LMX1A: variants seen among roughly 807,000 people sequenced by gnomAD.
LMX1A encodes LIM homeobox transcription factor 1-alpha.
In LMX1A, 15 loss-of-function variants were observed where a neutral mutation model predicts 49.1. That is an observed-to-expected ratio of 0.31 (90% CI 0.20 to 0.47). The LOEUF (loss-of-function observed/expected upper bound fraction) is 0.47. Ranked by LOEUF, LMX1A falls within the 20% of genes least tolerant of loss-of-function variation. LMX1A has a pLI of 1.00. For missense variants in LMX1A, 372 were observed against 475.8 expected, an observed-to-expected ratio of 0.78 and a Z score of 2.03; for synonymous variants, 167 against 185.7, an observed-to-expected ratio of 0.90 and a Z score of 0.82.
At chr1:165,296,979 G>A (rs746731166) in intron 3 of LMX1A, among the ~76,000 whole-genome samples, 4 of 152,210 alleles carry the variant, frequency 2.6e-5, no homozygotes, top group African/African-American at 4.8e-5. Flanking sequence ...AGGAAGGTCC[G>A]CAAACTCCTA....
intron 3 of LMX1A, among the ~76,000 whole-genome samples, chr1:165,293,672 T>C (rs1283500924): frequency 6.6e-6 from 1 of 152,238 alleles, no homozygotes; most frequent in African/African-American, 2.4e-5. Flanking sequence ...CTCACAATTC[T>C]GGAGGCTGGA....
chr1:165,324,243 C>T (rs1655505053), intron 3 of LMX1A, among the ~76,000 whole-genome samples: 1 of 152,218 alleles, frequency 6.6e-6, no homozygotes, highest in Non-Finnish European at 1.5e-5. Flanking sequence ...CTAACGCCCA[C>T]CTAGGGCTGA....
chr1:165,355,562 T>TCGGGC lies in LMX1A; in HGVS notation c.-8_-4dup, dbSNP rs775622090. 39 of 1,613,534 alleles carry TCGGGC rather than the reference T, an allele frequency of 2.4e-5. No individual in the cohort carries two copies. Among genetic ancestry groups the TCGGGC allele is most frequent in the Non-Finnish European group, 3.1e-5 (37 of 1,179,882 alleles). On this transcript the variant is annotated 5_prime_UTR_variant, in exon 2 of 9. Coordinates refer to ENST00000342310, the MANE Select transcript of LMX1A (RefSeq NM_177398.4). The surrounding 1 kb of genome is among the most constrained non-coding windows in gnomAD (Gnocchi z 4.7). The stretch of plus-strand genomic sequence containing the variant: ...TCCATCTTTAGGCCGTCCAGCATGT[T>TCGGGC]CGGGCCGGGCCGGGAGGACCTGTAG...
At chr1:165,350,690 GA>G (rs1041091919) in intron 3 of LMX1A, among the ~76,000 whole-genome samples, 1 of 151,908 alleles carries the variant, frequency 6.6e-6, no homozygotes, top group East Asian at 1.9e-4. Context: ...ATAGAGAAAC[GA>G]AAAAAGGAAT....
chr1:165,301,313 C>T (rs1654768061), intron 3 of LMX1A, among the ~76,000 whole-genome samples: 1 of 152,302 alleles, frequency 6.6e-6, no homozygotes, highest in East Asian at 1.9e-4. Flanking sequence ...AGCCCCCCAT[C>T]GCTGCACAAC....
chr1:165,236,852 GTT>G (rs11302510), intron 4 of LMX1A, among the ~76,000 whole-genome samples: 3,304 of 144,330 alleles, frequency 0.023, 126 homozygotes, highest in African/African-American at 0.078. Flanking sequence ...GGAGTTCAAA[GTT>G]TTTTTTTTTT....
chr1:165,251,347 T>C (rs576136693), intron 3 of LMX1A, among the ~76,000 whole-genome samples: 1 of 152,294 alleles, frequency 6.6e-6, no homozygotes, highest in Non-Finnish European at 1.5e-5. Flanking sequence ...CCTCCCAAAG[T>C]GCTAGGATTA....
At chr1:165,286,571 A>G (rs190257889) in intron 3 of LMX1A, among the ~76,000 whole-genome samples, 2 of 152,178 alleles carry the variant, frequency 1.3e-5, no homozygotes, top group Non-Finnish European at 2.9e-5. Context: ...AAATAAAATG[A>G]GAGTACCCAG....
At chr1:165,250,031 G>GAGA (rs10669011) in intron 3 of LMX1A, among the ~76,000 whole-genome samples, 151,585 of 151,768 alleles carry the variant, frequency 1, 75,701 homozygotes, top group Middle Eastern at 1. Context: ...GCTGAACAAT[G>GAGA]ACACATGGAC....
chr1:165,211,109 G>A, intron 5 of LMX1A: 1 of 194,478 alleles, frequency 5.1e-6, no homozygotes, highest in Non-Finnish European at 1.0e-5. Context: ...CCATGCATAT[G>A]CATTGACCTA....
At chr1:165,215,201 C>T (rs1329227160) in intron 4 of LMX1A, among the ~76,000 whole-genome samples, 2 of 152,150 alleles carry the variant, frequency 1.3e-5, no homozygotes, top group Admixed American at 6.5e-5. Flanking sequence ...ATCCCAGCTA[C>T]TCGGGAAGCT....
chr1:165,317,805 A>G (rs1320153197), intron 3 of LMX1A, among the ~76,000 whole-genome samples: 1 of 152,242 alleles, frequency 6.6e-6, no homozygotes, highest in African/African-American at 2.4e-5. Context: ...GGTCAACGCT[A>G]CATTAATGAC....
chr1:165,305,299 A>G (rs1425628134), intron 3 of LMX1A, among the ~76,000 whole-genome samples: 4 of 152,150 alleles, frequency 2.6e-5, no homozygotes, highest in Admixed American at 2.0e-4. Context: ...GATCCTGGAG[A>G]AAGGGCCCCT....
intron 3 of LMX1A, among the ~76,000 whole-genome samples, chr1:165,322,626 C>A (rs1655452530): frequency 6.6e-6 from 1 of 151,954 alleles, no homozygotes; most frequent in Non-Finnish European, 1.5e-5. Context: ...CCAGAATAGG[C>A]AAATTTATAA....
At chr1:165,349,854 A>C (rs1402992337) in intron 3 of LMX1A, among the ~76,000 whole-genome samples, 1 of 152,230 alleles carries the variant, frequency 6.6e-6, no homozygotes, top group South Asian at 2.1e-4. Context: ...ATAAAGAGAC[A>C]GCTAATAATT....
At chr1:165,343,523 A>G (rs1656146608) in intron 3 of LMX1A, among the ~76,000 whole-genome samples, 1 of 152,144 alleles carries the variant, frequency 6.6e-6, no homozygotes. Context: ...TTATTCTTAC[A>G]TTCTATTGTA....
chr1:165,325,693 C>G (rs959370780), intron 3 of LMX1A, among the ~76,000 whole-genome samples: 1 of 152,094 alleles, frequency 6.6e-6, no homozygotes, highest in African/African-American at 2.4e-5. Context: ...TCCTGTGCCC[C>G]TCTTTCTCTT....
At chr1:165,256,878 C>T (rs780535560) in intron 3 of LMX1A, among the ~76,000 whole-genome samples, 3 of 151,962 alleles carry the variant, frequency 2.0e-5, no homozygotes, top group South Asian at 2.1e-4. Flanking sequence ...ACAGCACACC[C>T]CTGTACTGCA....
At chr1:165,337,035 A>C (rs1655918159) in intron 3 of LMX1A, among the ~76,000 whole-genome samples, 1 of 152,162 alleles carries the variant, frequency 6.6e-6, no homozygotes, top group Admixed American at 6.5e-5. Flanking sequence ...CACATGAGGG[A>C]GGAGTCAAAC....
Sources: gnomAD v4.1 joint callset for allele counts (sites outside exome capture counted in the v4.1 genomes callset) on GRCh38, gnomAD v4.1.1 for gene constraint, Gnocchi (gnomAD v3.1) non-coding constraint, MANE v1.5 for transcripts, NCBI Gene and HGNC (gene_info 2026-07-23, HGNC 2026-07-21) for gene names.